The following BCR variants were observed in gnomAD, a reference collection of about 807,000 sequenced individuals.
BCR encodes breakpoint cluster region protein.
In BCR, 58 loss-of-function variants were observed where a neutral mutation model predicts 138.6. The observed-to-expected ratio is 0.42, with a 90% CI of 0.34 to 0.52. BCR has a LOEUF of 0.52. Among genes scored for constraint, BCR ranks in the 20% least tolerant of loss-of-function variants. The pLI, the probability that BCR is intolerant of heterozygous loss-of-function variation, is 0.06. For missense variants in BCR, 1,599 were observed against 1,727.2 expected (o/e 0.93, Z 1.32); for synonymous variants, 786 against 730.1 (o/e 1.08, Z -1.23).
At chr22:23,194,375 A>G (rs2146203149) in intron 1 of BCR, among the ~76,000 whole-genome samples, 1 of 149,518 alleles carries the variant, frequency 6.7e-6, no homozygotes, top group East Asian at 2.0e-4. Flanking sequence ...TGGGAGGCTG[A>G]GGTGGGTGGG....
chr22:23,287,449 C>T (rs935832724), intron 11 of BCR, among the ~76,000 whole-genome samples, 171 bp downstream of exon 11: 1 of 152,222 alleles, frequency 6.6e-6, no homozygotes, highest in African/African-American at 2.4e-5. Flanking sequence ...GCTGTAGCCC[C>T]CAGGTTGAGT....
At chr22:23,191,370 C>G (rs2072412020) in intron 1 of BCR, among the ~76,000 whole-genome samples, 2 of 152,224 alleles carry the variant, frequency 1.3e-5, no homozygotes, top group South Asian at 4.1e-4. Context: ...CTACTTTGTG[C>G]CTGGCACTAT....
At chr22:23,315,047 C>T (rs1344622798) in intron 22 of BCR, among the ~76,000 whole-genome samples, 4 of 152,152 alleles carry the variant, frequency 2.6e-5, no homozygotes, top group South Asian at 2.1e-4. Flanking sequence ...GTGGCAAACC[C>T]CATCTCTAGA....
intron 1 of BCR, among the ~76,000 whole-genome samples, chr22:23,200,208 G>A (rs1451080760): frequency 6.6e-6 from 1 of 152,192 alleles, no homozygotes; most frequent in Non-Finnish European, 1.5e-5. Context: ...AGATGTCACC[G>A]TGTGGGCTCA....
intron 1 of BCR, chr22:23,198,461 A>T (rs544646045): frequency 1.1e-4 from 42 of 372,622 alleles, no homozygotes; most frequent in African/African-American, 9.4e-4. Flanking sequence ...CTGAACAGCT[A>T]TCAGGGTGAT....
intron 4 of BCR, among the ~76,000 whole-genome samples, chr22:23,267,077 A>G (rs2073451140): frequency 6.6e-6 from 1 of 152,130 alleles, no homozygotes; most frequent in Non-Finnish European, 1.5e-5. Flanking sequence ...GTGTTCATGC[A>G]TGTGTTTATC....
chr22:23,307,237 A>C (rs1035475511), intron 16 of BCR, among the ~76,000 whole-genome samples: 2 of 152,154 alleles, frequency 1.3e-5, no homozygotes, highest in Non-Finnish European at 2.9e-5. Context: ...TTGGGACTGC[A>C]GGCACATGCC....
At chr22:23,291,783 C>T (rs1270821717) in intron 14 of BCR, among the ~76,000 whole-genome samples, 4 of 152,136 alleles carry the variant, frequency 2.6e-5, no homozygotes, top group Non-Finnish European at 5.9e-5. Flanking sequence ...CCGTGGTCTG[C>T]TCTCCCTCCG....
chr22:23,261,306 G>A (rs368186013), intron 3 of BCR, 49 bp from the exon 4 acceptor site: 854 of 1,570,718 alleles, frequency 5.4e-4, no homozygotes, highest in Non-Finnish European at 6.9e-4. Flanking sequence ...TGCACCTGAC[G>A]GATGGCAGCC....
rs756098734 is a variant in BCR, at chr22:23,309,390, A to C, written c.3013-34A>C. 72 of 1,526,474 alleles carry C rather than the reference A, an allele frequency of 4.7e-5. 1 individual carries two copies. The East Asian group carries it at 1.7e-3, about 36-fold the overall frequency. 94.6% of individuals were successfully genotyped at this position (1,526,474 alleles called of 1,614,324 possible). ...CCCGTGGGGCCTCTGAACAGACCCC[A>C]GGGCCTCTGCCAATCATGACTCCTT... is the stretch of plus-strand genomic sequence containing the variant. On this transcript the variant is annotated intron_variant, in intron 16 of 22. Coordinates refer to ENST00000305877, the MANE Select transcript of BCR (RefSeq NM_004327.4).
chr22:23,205,359 C>T (rs112446288), intron 1 of BCR, among the ~76,000 whole-genome samples: 10,683 of 152,250 alleles, frequency 0.07, 1,249 homozygotes, highest in African/African-American at 0.24. Flanking sequence ...TCTCAAGGTG[C>T]ACTTTGACTC....
chr22:23,181,156 G>A lies in BCR; in HGVS notation c.196G>A (p.Glu66Lys). Reference protein sequence around the residue: ...MIYLQTLLAKEKKSYDRQRWG... With the variant: ...MIYLQTLLAKKKKSYDRQRWG... ...CTACCTGCAGACGTTGCTGGCCAAGGAAAAGAAGAGCTATGACCGGCAGCG... is the reference window on the plus strand; with the variant it reads ...CTACCTGCAGACGTTGCTGGCCAAGAAAAAGAAGAGCTATGACCGGCAGCG... The change falls in exon 1 of 23, where the codon GAA (glutamate) becomes AAA (lysine). Residue 66 changes from glutamate (E) to lysine (K), a missense_variant. Physicochemically the swap from Glu to Lys is moderately conservative, Grantham distance 56. This residue lies in a region of BCR where 806 missense variants were observed against 635.0 expected (regional missense o/e 1.27). Transcript: ENST00000305877. The A allele has an allele frequency of 2.1e-6, 3 of 1,448,652 alleles. No individual in the cohort carries two copies. Among genetic ancestry groups the A allele is most frequent in the East Asian group, 5.7e-5 (2 of 35,224 alleles). The allele number at this position is 1,448,652 out of a possible 1,614,324, so 89.7% of individuals were successfully genotyped here. A position where few individuals can be genotyped will look rare whatever the true frequency, so the allele number is the denominator to read the frequency against.
intron 1 of BCR, among the ~76,000 whole-genome samples, chr22:23,224,878 T>TC (rs1044487309): frequency 4.0e-5 from 6 of 150,994 alleles, no homozygotes; most frequent in Non-Finnish European, 5.9e-5. Flanking sequence ...CAAGACTCCA[T>TC]CCCCCCCAAA....
At chr22:23,310,980 G>C (rs2074001037) in intron 18 of BCR, among the ~76,000 whole-genome samples, 1 of 151,242 alleles carries the variant, frequency 6.6e-6, no homozygotes, top group Admixed American at 6.6e-5. Context: ...CTCTGGGAGG[G>C]CTGTGGGCAT....
chr22:23,289,657 A>C, intron 13 of BCR, 36 bp downstream of exon 13: 2 of 1,557,514 alleles, frequency 1.3e-6, no homozygotes, highest in Non-Finnish European at 1.8e-6. Context: ...GGGCACCTGC[A>C]GGGAGGGCAG....
At chr22:23,238,545 G>A (rs78380435) in intron 1 of BCR, among the ~76,000 whole-genome samples, 7,354 of 152,156 alleles carry the variant, frequency 0.048, 258 homozygotes, top group Middle Eastern at 0.085. Flanking sequence ...TTGGTTCCAC[G>A]TCCAAACCTT....
intron 4 of BCR, chr22:23,262,677 G>A (rs1232574322): frequency 1.5e-6 from 1 of 664,636 alleles, no homozygotes; most frequent in Non-Finnish European, 1.9e-6. Flanking sequence ...CGCTGGGTGT[G>A]GGGCCGCCGG....
chr22:23,214,447 T>C (rs547993235), intron 1 of BCR, among the ~76,000 whole-genome samples: 1 of 152,372 alleles, frequency 6.6e-6, no homozygotes, highest in East Asian at 1.9e-4. Context: ...ACCTGGGCTC[T>C]GAGGACCTGG....
intron 16 of BCR, among the ~76,000 whole-genome samples, chr22:23,299,083 G>A (rs914597485): frequency 4.6e-5 from 7 of 152,064 alleles, no homozygotes; most frequent in South Asian, 2.1e-4. Flanking sequence ...TGCAAGCTCC[G>A]CCTCCTGGGT....
Sources: gnomAD v4.1 joint callset for allele counts (sites outside exome capture counted in the v4.1 genomes callset) on GRCh38, gnomAD v4.1.1 for gene constraint, gnomAD v4.1.1 regional missense constraint, MANE v1.5 for transcripts, NCBI Gene and HGNC (gene_info 2026-07-23, HGNC 2026-07-21) for gene names.